Variants in WDR64 observed in about 807,000 individuals in gnomAD.
WDR64 encodes WD repeat domain 64, also known as WD repeat-containing protein 64.
WDR64 carries 112 observed loss-of-function variants against 139.3 expected under a neutral mutation model. That is an observed-to-expected ratio of 0.80 (90% CI 0.69 to 0.94). The LOEUF (loss-of-function observed/expected upper bound fraction) is 0.94, where lower values mean the gene tolerates loss of function less well. WDR64 is among the 40% of genes least tolerant of loss of function. The pLI is 0.00. For missense variants in WDR64, 1,206 were observed against 1,293.1 expected (o/e 0.93, Z 1.03); for synonymous variants, 444 against 437.7 (o/e 1.01, Z -0.18).
intron 13 of WDR64, among the ~76,000 whole-genome samples, chr1:241,745,136 T>C (rs1412958218): frequency 3.3e-5 from 5 of 152,124 alleles, no homozygotes; most frequent in Non-Finnish European, 7.3e-5. Context: ...ACTCACGACA[T>C]ACTAAATGAA....
At chr1:241,680,387 C>T (rs185197880) in intron 6 of WDR64, among the ~76,000 whole-genome samples, 3 of 152,182 alleles carry the variant, frequency 2.0e-5, no homozygotes, top group Non-Finnish European at 4.4e-5. Context: ...TTAAAGACAG[C>T]AGCTTGTTGG....
chr1:241,681,888 AT>A (rs960446698), intron 6 of WDR64, among the ~76,000 whole-genome samples: 3 of 151,738 alleles, frequency 2.0e-5, no homozygotes, highest in Non-Finnish European at 4.4e-5. Context: ...GACGCTGATC[AT>A]TTTTTTCCAT....
At chr1:241,728,263 G>A (rs1668927016) in intron 10 of WDR64, among the ~76,000 whole-genome samples, 1 of 152,082 alleles carries the variant, frequency 6.6e-6, no homozygotes, top group South Asian at 2.1e-4. Context: ...AACCTGGGAG[G>A]TGGAGGTTGC....
chr1:241,661,500 A>G (rs1262051833), intron 2 of WDR64, among the ~76,000 whole-genome samples: 2 of 152,290 alleles, frequency 1.3e-5, no homozygotes, highest in South Asian at 2.1e-4. Context: ...TTTAATTCCC[A>G]TGTTGTATGC....
At chr1:241,757,859 A>T (rs1670263467) in intron 15 of WDR64, among the ~76,000 whole-genome samples, 1 of 151,996 alleles carries the variant, frequency 6.6e-6, no homozygotes, top group Non-Finnish European at 1.5e-5. Flanking sequence ...ATCTCTAAAC[A>T]ATAATGACTA....
chr1:241,708,153 A>G (rs984313458), intron 8 of WDR64, among the ~76,000 whole-genome samples: 1 of 152,186 alleles, frequency 6.6e-6, no homozygotes, highest in African/African-American at 2.4e-5. Flanking sequence ...TCCAGGGGGT[A>G]TGCAAGATGA....
intron 8 of WDR64, among the ~76,000 whole-genome samples, chr1:241,696,662 CACT>C (rs2148136083): frequency 6.6e-6 from 1 of 152,194 alleles, no homozygotes; most frequent in East Asian, 1.9e-4. Flanking sequence ...ACCGTCATGG[CACT>C]GGTGGGAGTG....
At position 241,771,945 on chromosome 1, in the gene WDR64, CATATATATATATAT is replaced by C. The variant is rs57383177; in HGVS notation, c.2290+279_2290+292del. On this transcript the variant is annotated intron_variant, in intron 19 of 27. Transcript: ENST00000437684. ...ATACATACATATACATACATACATA[CATATATATATATAT>C]ATATATATATATATATATATATATA... Among the ~76,000 whole-genome samples the C allele has an allele frequency of 6.2e-3, 389 of 62,368 alleles. 5 individuals carry two copies. The highest frequency in any genetic ancestry group is 5.6e-3 in the Non-Finnish European group (209 of 37,220). 40.9% of individuals were successfully genotyped at this position (62,368 alleles called of 152,430 possible). A position where few individuals can be genotyped will look rare whatever the true frequency, so the allele number is the denominator to read the frequency against.
At chr1:241,777,680 C>A (rs1434929965) in intron 21 of WDR64, among the ~76,000 whole-genome samples, 4 of 152,072 alleles carry the variant, frequency 2.6e-5, no homozygotes, top group African/African-American at 9.7e-5. Flanking sequence ...AGCCTCCCAA[C>A]ATGCTGGGAT....
intron 6 of WDR64, among the ~76,000 whole-genome samples, chr1:241,682,726 A>G (rs1002162401): frequency 2.0e-5 from 3 of 152,162 alleles, no homozygotes; most frequent in African/African-American, 7.2e-5. Flanking sequence ...CTCTCAATCA[A>G]TTCAGGTCCC....
intron 8 of WDR64, among the ~76,000 whole-genome samples, chr1:241,696,143 C>CAAAAAAAAAAAAAA (rs1553366775): frequency 5.7e-5 from 3 of 52,902 alleles, no homozygotes; most frequent in South Asian, 7.2e-4. Flanking sequence ...AAAAAAAAAG[C>CAAAAAAAAAAAAAA]ATTAGTCTGA....
intron 14 of WDR64, among the ~76,000 whole-genome samples, chr1:241,750,143 G>A (rs993700288): frequency 3.9e-5 from 6 of 152,112 alleles, no homozygotes; most frequent in Non-Finnish European, 7.3e-5. Flanking sequence ...CACCAAAATC[G>A]CTTTGTTTAT....
At chr1:241,695,732 G>A (rs973828243) in intron 8 of WDR64, among the ~76,000 whole-genome samples, 2 of 152,064 alleles carry the variant, frequency 1.3e-5, no homozygotes, top group African/African-American at 4.8e-5. Context: ...GGGATGAAGT[G>A]GCTTATTTCT....
chr1:241,673,170 C>T (rs907278014), intron 3 of WDR64, among the ~76,000 whole-genome samples: 1 of 146,354 alleles, frequency 6.8e-6, no homozygotes, highest in Non-Finnish European at 1.5e-5. Flanking sequence ...GGGAACATCA[C>T]ACACCAGGGA....
At chr1:241,728,823 C>CTTT (rs66478639) in intron 10 of WDR64, among the ~76,000 whole-genome samples, 1,757 of 148,706 alleles carry the variant, frequency 0.012, 35 homozygotes, top group African/African-American at 0.042. Flanking sequence ...TTCTCTTCTT[C>CTTT]TTTTTTTTTT....
intron 9 of WDR64, among the ~76,000 whole-genome samples, chr1:241,713,998 C>A (rs1399807500): frequency 6.6e-6 from 1 of 152,152 alleles, no homozygotes; most frequent in African/African-American, 2.4e-5. Flanking sequence ...CAAAAGAAAG[C>A]TCAATTGTGA....
At position 241,704,309 on chromosome 1, in the gene WDR64, G is replaced by GA. The variant is rs1386221179; in HGVS notation, c.975-7487dup. 2.6e-5 allele frequency among the ~76,000 whole-genome samples: 4 copies of GA among 152,110 alleles called. No individual in the cohort carries two copies. The East Asian group carries it at 7.7e-4, about 29-fold the overall frequency. On this transcript the variant is annotated intron_variant, in intron 8 of 27. Transcript: ENST00000437684. ...TATCTCAATGCACTGGAAAGTATATGAAAAAACGCTCTTCACTCTTAAAGT... is the reference window on the plus strand; with the variant it reads ...TATCTCAATGCACTGGAAAGTATATGAAAAAAACGCTCTTCACTCTTAAAGT...
At chr1:241,666,721 C>T (rs979443239) in intron 2 of WDR64, among the ~76,000 whole-genome samples, 5 of 152,182 alleles carry the variant, frequency 3.3e-5, no homozygotes, top group African/African-American at 1.2e-4. Context: ...ATTGATTGAG[C>T]TCCTACTGGG....
intron 10 of WDR64, among the ~76,000 whole-genome samples, chr1:241,737,194 AAG>A (rs1425700865): frequency 6.6e-6 from 1 of 152,234 alleles, no homozygotes; most frequent in Non-Finnish European, 1.5e-5. Context: ...CACTAGAACA[AAG>A]AAAATAAATT....
Sources: gnomAD v4.1 joint callset for allele counts (sites outside exome capture counted in the v4.1 genomes callset) on GRCh38, gnomAD v4.1.1 for gene constraint, MANE v1.5 for transcripts, NCBI Gene and HGNC (gene_info 2026-07-23, HGNC 2026-07-21) for gene names.